The following G6PD variants were observed in gnomAD, a reference collection of about 807,000 sequenced individuals.
G6PD encodes glucose-6-phosphate 1-dehydrogenase.
A neutral mutation model predicts 38.2 loss-of-function variants in G6PD; 2 were observed. That is an observed-to-expected ratio of 0.05 (90% CI 0.02 to 0.16). The LOEUF (loss-of-function observed/expected upper bound fraction) is 0.16, where lower values mean the gene tolerates loss of function less well. Among genes scored for constraint, G6PD ranks in the 10% least tolerant of loss-of-function variants. The probability of loss-of-function intolerance (pLI) is 1.00; values close to 1 mark genes in which losing one functional copy is unlikely to be tolerated. For synonymous variants in G6PD, 188 were observed against 196.0 expected (o/e 0.96, Z 0.34); for missense variants, 310 against 471.6 (o/e 0.66, Z 3.17).
chrX:154,532,214 G>A lies in G6PD; in HGVS notation c.1431C>T (p.Pro477=), dbSNP rs77214077. Residue 477 remains proline, a synonymous_variant, in exon 12 of 13, where the codon CCC becomes CCT. Transcript: ENST00000393562. ...PLLHQIELEK[P]KPIPYIYGSR... Reference sequence around the variant, plus strand: ...TGCCATAAATATAGGGGATGGGCTTGGGCTTCTCCAGCTCAATCTGGTGCA... The same window carrying A: ...TGCCATAAATATAGGGGATGGGCTTAGGCTTCTCCAGCTCAATCTGGTGCA... 4.3e-3 allele frequency: 5,201 copies of A among 1,209,236 alleles called. 161 individuals carry two copies. The African/African-American group carries it at 0.082, about 19-fold the overall frequency.
intron 4 of G6PD, 93 bp downstream of exon 4, chrX:154,535,844 G>A (rs1442940396): frequency 2.4e-5 from 17 of 709,250 alleles, no homozygotes; most frequent in Admixed American, 2.1e-4. Context: ...AGAGCATCCC[G>A]GGATGGGATG....
Position 154,546,106 on chromosome X carries a change from C to A in G6PD, c.50G>T (p.Arg17Leu), listed in dbSNP as rs1557233196. The change falls in exon 2 of 13, where the codon CGG (arginine) becomes CTG (leucine). Residue 17 changes from arginine (R) to leucine (L), a missense_variant. Coordinates refer to ENST00000393562, the MANE Select transcript of G6PD (RefSeq NM_001360016.2). ...LSRTQVCGILREELFQGDAFH... is the reference protein window; with the variant it reads ...LSRTQVCGILLEELFQGDAFH... ...GGCATCGCCCTGGAAAAGCTCTTCC[C>A]GCAGGATCCCGCACACCTGGGTCCG... The A allele has an allele frequency of 1.7e-6, 2 of 1,210,255 alleles. No individual in the cohort carries two copies. The highest frequency in any genetic ancestry group is 2.2e-6 in the Non-Finnish European group (2 of 895,174).
chrX:154,542,135 G>A (rs1197205526), intron 2 of G6PD: 2 of 462,447 alleles, frequency 4.3e-6, no homozygotes, highest in Non-Finnish European at 7.3e-6. Flanking sequence ...TCATGACACA[G>A]CAAGAATCTT....
rs2230036 is a variant in G6PD, at chrX:154,532,738, C to T, written c.1116G>A (p.Gln372=). The change falls in exon 10 of 13, where the codon CAG becomes CAA. Residue 372 remains glutamine, a synonymous_variant. Coordinates refer to ENST00000393562, the MANE Select transcript of G6PD (RefSeq NM_001360016.2). ...AGATGTCGCCGGCCACATCATGGAA[C>T]TGCAGCCTCACCTCGGCCTTGCGCT... ...LNERKAEVRL[Q]FHDVAGDIFH... 6.0e-3 allele frequency: 7,268 copies of T among 1,210,729 alleles called. 260 individuals are homozygous for T. The African/African-American group carries it at 0.11, about 18-fold the overall frequency.
At chrX:154,533,207 C>T in intron 8 of G6PD, 79 bp from the exon 9 acceptor site, 6 of 1,076,143 alleles carry the variant, frequency 5.6e-6, no homozygotes, top group Non-Finnish European at 7.7e-6. Flanking sequence ...CACAGATGTG[C>T]AGCCCTCAGG....
At chrX:154,533,408 T>C in intron 8 of G6PD, 168 bp downstream of exon 8, 1 of 592,155 alleles carries the variant, frequency 1.7e-6, no homozygotes, top group East Asian at 3.6e-5. Context: ...CAACTTGGGC[T>C]TCATGACTGC....
At chrX:154,541,164 C>T (rs1352345650) in intron 2 of G6PD, 1 of 112,033 alleles carries the variant, frequency 8.9e-6, no homozygotes, top group Non-Finnish European at 1.9e-5. Flanking sequence ...CATGTTTGCT[C>T]ATGACCAAAT....
At chrX:154,535,873 T>C (rs1557230727) in intron 4 of G6PD, 64 bp downstream of exon 4, 1 of 959,688 alleles carries the variant, frequency 1.0e-6, no homozygotes, top group African/African-American at 1.9e-5. Flanking sequence ...TCCCCGAAGC[T>C]GGCCATGCTG....
chrX:154,542,476 G>A (rs889334371), intron 2 of G6PD: 28 of 1,164,580 alleles, frequency 2.4e-5, no homozygotes, highest in Non-Finnish European at 3.2e-5. Context: ...CTCCCTTTCT[G>A]GTAGGGGTGG....
intron 8 of G6PD, 40 bp downstream of exon 8, chrX:154,533,536 C>A (rs201958777): frequency 2.5e-6 from 3 of 1,200,863 alleles, no homozygotes; most frequent in Non-Finnish European, 2.3e-6. Context: ...GATGGGCCTG[C>A]GACAGGGCAT....
At chrX:154,537,990 GTTTTTTTTTTTTT>G (rs781988750) in intron 2 of G6PD, among the ~76,000 whole-genome samples, 1 of 91,079 alleles carries the variant, frequency 1.1e-5, no homozygotes, top group Non-Finnish European at 2.2e-5. Flanking sequence ...AAATCAGGAG[GTTTTTTTTTTTTT>G]TTTTTTTTAA....
rs782026927 is a variant in G6PD, at chrX:154,532,426, G to C, written c.1324C>G (p.Leu442Val). ...KLPDAYERLI[L>V]DVFCGSQMHF... ...ATCTGGCTCCCGCAGAAGACGTCCAGGATGAGGCGCTCATAGGCGTCAGGG... is the reference window on the plus strand; with the variant it reads ...ATCTGGCTCCCGCAGAAGACGTCCACGATGAGGCGCTCATAGGCGTCAGGG... Residue 442 changes from leucine to valine, a missense_variant, in exon 11 of 13, where the codon CTG becomes GTG. Coordinates refer to ENST00000393562, the MANE Select transcript of G6PD (RefSeq NM_001360016.2). 8.3e-7 allele frequency: 1 copy of C among 1,211,834 alleles called. No individual in the cohort carries two copies. The highest frequency in any genetic ancestry group is 2.2e-5 in the Admixed American group (1 of 46,108).
chrX:154,534,282 G>C, intron 6 of G6PD, 56 bp downstream of exon 6: 1 of 1,205,060 alleles, frequency 8.3e-7, no homozygotes, highest in South Asian at 1.8e-5. Flanking sequence ...AGTGGGCCAG[G>C]TGAGGCTCCT....
At chrX:154,542,274 T>C (rs782400245) in intron 2 of G6PD, 40 of 1,138,836 alleles carry the variant, frequency 3.5e-5, no homozygotes, top group Middle Eastern at 4.7e-4. Flanking sequence ...ATGGCCCTTG[T>C]GATCCAGGTG....
Position 154,535,825 on chromosome X carries a change from G to T in G6PD, c.267+112C>A, listed in dbSNP as rs782147243. 12 of 609,607 alleles carry T rather than the reference G, an allele frequency of 2.0e-5. No individual in the cohort carries two copies. The South Asian group carries it at 2.6e-4, about 13-fold the overall frequency. 50.2% of individuals were successfully genotyped at this position (609,607 alleles called of 1,213,427 possible). ...TACGAGAGCAGGCGGGGCGGGGCAG[G>T]AGAGGAGGAGAGCATCCCGGGATGG... On this transcript the variant is annotated intron_variant, in intron 4 of 12. Transcript: ENST00000393562.
upstream of G6PD, chrX:154,547,255 C>A: frequency 1.5e-6 from 1 of 676,030 alleles, no homozygotes; most frequent in African/African-American, 2.4e-5. Context: ...GGCTGTCCCT[C>A]GGCTCCTGGG....
intron 2 of G6PD, among the ~76,000 whole-genome samples, chrX:154,538,839 A>G (rs1557231271): frequency 9.1e-6 from 1 of 109,994 alleles, no homozygotes; most frequent in Non-Finnish European, 1.9e-5. Context: ...AGGCAGGAGA[A>G]TCGCTTGAAC....
rs781879876 is a variant in G6PD, at chrX:154,532,627, C to T, written c.1227G>A (p.Pro409=). The change falls in exon 10 of 13, where the codon CCG becomes CCA. Residue 409 remains proline, a synonymous_variant. Coordinates refer to ENST00000393562, the MANE Select transcript of G6PD (RefSeq NM_001360016.2). ...AVYTKMMTKK[P]GMFFNPEESE... is the part of the protein sequence containing the mutation. Reference sequence around the variant, plus strand: ...ACTCCTCGGGGTTGAAGAACATGCCCGGCTTCTTGGTCATCATCTTGGTGT... The same window carrying T: ...ACTCCTCGGGGTTGAAGAACATGCCTGGCTTCTTGGTCATCATCTTGGTGT... 1.2e-5 allele frequency: 15 copies of T among 1,212,379 alleles called. No individual in the cohort carries two copies. Among genetic ancestry groups the T allele is most frequent in the South Asian group, 3.5e-5 (2 of 57,047 alleles).
Position 154,531,626 on chromosome X carries a change from G to T in G6PD, c.*374C>A, listed in dbSNP as rs372578185. 1.1e-5 allele frequency: 3 copies of T among 270,065 alleles called. No homozygotes were observed. Among genetic ancestry groups the T allele is most frequent in the Non-Finnish European group, 2.0e-5 (3 of 150,639 alleles). The allele number at this position is 270,065 out of a possible 1,213,427, so 22.3% of individuals were successfully genotyped here. A position where few individuals can be genotyped will look rare whatever the true frequency, so the allele number is the denominator to read the frequency against. On this transcript the variant is annotated 3_prime_UTR_variant, in exon 13 of 13. Transcript: ENST00000393562. ...GGCAGATTCTCTCACGTGGGTGCTC[G>T]CCCCTTTCCTCCCCCTCGTCCCTCC...
Sources: allele counts gnomAD v4.1 joint callset (sites outside exome capture counted in the v4.1 genomes callset), GRCh38; gene constraint gnomAD v4.1.1; transcripts MANE v1.5; gene names NCBI Gene and HGNC (gene_info 2026-07-23, HGNC 2026-07-21).